Variants in BRINP3 observed in about 807,000 individuals in gnomAD.
BRINP3 encodes BMP/retinoic acid inducible neural specific 3, also known as BMP/retinoic acid-inducible neural-specific protein 3.
In BRINP3, 19 loss-of-function variants were observed where a neutral mutation model predicts 71.0. The observed-to-expected ratio is 0.27, with a 90% CI of 0.19 to 0.39. The LOEUF (loss-of-function observed/expected upper bound fraction) is 0.39. Ranked by LOEUF, BRINP3 falls within the 10% of genes least tolerant of loss-of-function variation. BRINP3 has a pLI of 1.00. For synonymous variants in BRINP3, 380 were observed against 337.7 expected, an observed-to-expected ratio of 1.13 and a Z score of -1.37; for missense variants, 959 against 940.8, an observed-to-expected ratio of 1.02 and a Z score of -0.25.
intron 6 of BRINP3, among the ~76,000 whole-genome samples, chr1:190,192,624 T>C (rs918507421): frequency 6.6e-6 from 1 of 151,958 alleles, no homozygotes; most frequent in Admixed American, 6.6e-5. Flanking sequence ...CTATTACCTA[T>C]GCAAGAAGTT....
intron 7 of BRINP3, among the ~76,000 whole-genome samples, chr1:190,114,432 T>C (rs1652956205): frequency 6.6e-6 from 1 of 152,002 alleles, no homozygotes; most frequent in African/African-American, 2.4e-5. Flanking sequence ...TTATAGTAAC[T>C]ATAAAGTCTG....
rs112745117 is a variant in BRINP3, at chr1:190,312,201, C to T, written c.237-30451G>A. On this transcript the variant is annotated intron_variant, in intron 2 of 7. Transcript: ENST00000367462. The stretch of plus-strand genomic sequence containing the variant: ...GCAAATGATGATCTTTCGTAAATTG[C>T]GAATTTATGTTATTGCAAAGTTCAA... Among the ~76,000 whole-genome samples, 425 of 150,064 alleles carry T rather than the reference C, an allele frequency of 2.8e-3. 4 individuals carry two copies. The highest frequency in any genetic ancestry group is 9.6e-3 in the African/African-American group (394 of 41,164).
chr1:190,469,691 T>G lies in BRINP3; in HGVS notation c.-51+7757A>C, dbSNP rs573984605. 5.2e-4 allele frequency among the ~76,000 whole-genome samples: 78 copies of G among 151,152 alleles called. 1 individual carries two copies. Among genetic ancestry groups the G allele is most frequent in the African/African-American group, 1.8e-3 (73 of 41,486 alleles). On this transcript the variant is annotated intron_variant, in intron 1 of 7. Transcript: ENST00000367462. ...TTTACTTATTATCTATCCCAGGAAC[T>G]TCCTGATTTTATTAATTTTTGTTCT...
At chr1:190,258,191 G>A (rs1390468417) in intron 4 of BRINP3, among the ~76,000 whole-genome samples, 1 of 152,180 alleles carries the variant, frequency 6.6e-6, no homozygotes, top group Non-Finnish European at 1.5e-5. Flanking sequence ...CCTCAGCAAT[G>A]ACGGACGCCC....
chr1:190,420,689 T>C (rs938654058), intron 2 of BRINP3, among the ~76,000 whole-genome samples: 2 of 151,934 alleles, frequency 1.3e-5, no homozygotes, highest in Non-Finnish European at 2.9e-5. Context: ...CAAACTATCA[T>C]GTAGTCTTCA....
At chr1:190,251,027 G>C (rs1397725048) in intron 4 of BRINP3, among the ~76,000 whole-genome samples, 2 of 151,578 alleles carry the variant, frequency 1.3e-5, no homozygotes, top group African/African-American at 4.8e-5. Context: ...GACCAGGCTG[G>C]AAAACACACT....
chr1:190,329,224 G>A (rs960946059), intron 2 of BRINP3, among the ~76,000 whole-genome samples: 1 of 151,972 alleles, frequency 6.6e-6, no homozygotes, highest in East Asian at 1.9e-4. Context: ...AGGAAAAGAA[G>A]TCAAACTACC....
intron 2 of BRINP3, among the ~76,000 whole-genome samples, chr1:190,328,600 A>G (rs1439894516): frequency 6.6e-6 from 1 of 152,038 alleles, no homozygotes; most frequent in Non-Finnish European, 1.5e-5. Flanking sequence ...CAGATATACA[A>G]AGAAAACTGG....
chr1:190,207,633 A>C (rs1385203993), intron 6 of BRINP3, among the ~76,000 whole-genome samples: 3 of 152,144 alleles, frequency 2.0e-5, no homozygotes, highest in African/African-American at 7.2e-5. Context: ...AGAAGGTCGA[A>C]AGGACATTGT....
intron 2 of BRINP3, among the ~76,000 whole-genome samples, chr1:190,403,994 G>T (rs926817865): frequency 4.6e-5 from 7 of 152,154 alleles, no homozygotes; most frequent in African/African-American, 1.7e-4. Context: ...CAATATGCCA[G>T]ATAATGTACC....
intron 2 of BRINP3, among the ~76,000 whole-genome samples, chr1:190,375,439 G>T (rs186855603): frequency 7.2e-5 from 11 of 151,950 alleles, no homozygotes; most frequent in African/African-American, 2.6e-4. Flanking sequence ...TTACTTTATA[G>T]AAATAAAAAT....
intron 1 of BRINP3, among the ~76,000 whole-genome samples, chr1:190,460,980 T>G (rs983816056): frequency 3.3e-5 from 5 of 152,196 alleles, no homozygotes; most frequent in South Asian, 2.1e-4. Context: ...ATTACTGCAA[T>G]AGCTTCATGA....
intron 2 of BRINP3, among the ~76,000 whole-genome samples, chr1:190,417,439 T>G (rs1207177953): frequency 6.6e-6 from 1 of 152,156 alleles, no homozygotes; most frequent in East Asian, 1.9e-4. Flanking sequence ...TAATATTTAT[T>G]GTACAGCCTT....
At chr1:190,141,568 T>A (rs1261142941) in intron 7 of BRINP3, among the ~76,000 whole-genome samples, 1 of 137,162 alleles carries the variant, frequency 7.3e-6, no homozygotes, top group Non-Finnish European at 1.6e-5. Context: ...TTTTTTTTTT[T>A]TTTTTTTTTT....
intron 2 of BRINP3, among the ~76,000 whole-genome samples, chr1:190,404,100 AT>A (rs1242035517): frequency 1.3e-5 from 2 of 152,190 alleles, no homozygotes; most frequent in Non-Finnish European, 2.9e-5. Flanking sequence ...TATAAATACT[AT>A]TTGAACCCTA....
chr1:190,453,282 G>A (rs1675767448), intron 2 of BRINP3, among the ~76,000 whole-genome samples: 1 of 127,974 alleles, frequency 7.8e-6, no homozygotes, highest in Non-Finnish European at 1.6e-5. Flanking sequence ...GTGTAGTGGC[G>A]CGATCTCGGC....
chr1:190,441,091 T>C (rs1190234705), intron 2 of BRINP3, among the ~76,000 whole-genome samples: 1 of 151,914 alleles, frequency 6.6e-6, no homozygotes, highest in Non-Finnish European at 1.5e-5. Context: ...AATACTTGAA[T>C]GTTATGGCAA....
rs36099005 is a variant in BRINP3 at position 190,265,539 on chromosome 1, A to AATATATATATATATATAT, written c.428-502_428-485dup. Among the ~76,000 whole-genome samples the AATATATATATATATATAT allele has an allele frequency of 2.9e-3, 408 of 139,200 alleles. 1 individual carries two copies. The highest frequency in any genetic ancestry group is 0.01 in the African/African-American group (387 of 37,908). 91.3% of individuals were successfully genotyped at this position (139,200 alleles called of 152,430 possible). A position where few individuals can be genotyped will look rare whatever the true frequency, so the allele number is the denominator to read the frequency against. ...ACACGGTGAAACCCCGTCTCTACTA[A>AATATATATATATATATAT]ATATATATATATATATATATATAAA... On this transcript the variant is annotated intron_variant, in intron 3 of 7. Coordinates refer to ENST00000367462, the MANE Select transcript of BRINP3 (RefSeq NM_199051.3).
intron 7 of BRINP3, among the ~76,000 whole-genome samples, chr1:190,100,901 T>C (rs1651645264): frequency 6.6e-6 from 1 of 152,122 alleles, no homozygotes; most frequent in African/African-American, 2.4e-5. Context: ...TATTGTGAGG[T>C]GGTATCTAAT....
Sources: gnomAD v4.1 joint callset for allele counts (sites outside exome capture counted in the v4.1 genomes callset) on GRCh38, gnomAD v4.1.1 for gene constraint, MANE v1.5 for transcripts, NCBI Gene and HGNC (gene_info 2026-07-23, HGNC 2026-07-21) for gene names.